GRM7: variants seen among roughly 807,000 people sequenced by gnomAD.
The protein encoded by GRM7 is metabotropic glutamate receptor 7.
In GRM7, 35 loss-of-function variants were observed where a neutral mutation model predicts 84.5. The observed-to-expected ratio is 0.41, with a 90% CI of 0.32 to 0.55. The LOEUF (loss-of-function observed/expected upper bound fraction) is 0.55. Ranked by LOEUF, GRM7 falls within the 20% of genes least tolerant of loss-of-function variation. The probability of loss-of-function intolerance (pLI) is 0.19; values close to 1 mark genes in which losing one functional copy is unlikely to be tolerated. For synonymous variants in GRM7, 487 were observed against 455.1 expected (o/e 1.07, Z -0.89); for missense variants, 1,003 against 1,194.6 (o/e 0.84, Z 2.36).
At chr3:6,881,228 A>G (rs559737708) in intron 1 of GRM7, among the ~76,000 whole-genome samples, 2 of 152,190 alleles carry the variant, frequency 1.3e-5, no homozygotes, top group African/African-American at 2.4e-5. Flanking sequence ...CTGCACTATC[A>G]ACCCATTACA....
At chr3:7,550,700 C>T (rs1693426712) in intron 7 of GRM7, among the ~76,000 whole-genome samples, 1 of 150,322 alleles carries the variant, frequency 6.7e-6, no homozygotes, top group South Asian at 2.1e-4. Context: ...CCTTTCTTTG[C>T]TGTGTATGCT....
At chr3:7,726,898 T>G (rs144760183) in intron 9 of GRM7, among the ~76,000 whole-genome samples, 2 of 151,836 alleles carry the variant, frequency 1.3e-5, no homozygotes, top group African/African-American at 4.8e-5. Flanking sequence ...TCAAGGATCA[T>G]GCATTTTTAA....
intron 4 of GRM7, among the ~76,000 whole-genome samples, chr3:7,370,042 C>T (rs948538651): frequency 5.9e-5 from 9 of 152,028 alleles, no homozygotes; most frequent in Non-Finnish European, 1.2e-4. Context: ...GCCACTTTGC[C>T]TCACCCAGGC....
intron 7 of GRM7, among the ~76,000 whole-genome samples, chr3:7,509,099 C>G (rs573925962): frequency 6.6e-6 from 1 of 152,180 alleles, no homozygotes; most frequent in East Asian, 1.9e-4. Context: ...ATTCCTTTGT[C>G]CAATGTGCCA....
chr3:7,516,164 CAAAAAAAAA>C (rs35256206), intron 7 of GRM7, among the ~76,000 whole-genome samples: 1 of 31,430 alleles, frequency 3.2e-5, no homozygotes, highest in East Asian at 9.6e-4. Context: ...CACCATATCT[CAAAAAAAAA>C]AAAAAAAAAA....
intron 7 of GRM7, among the ~76,000 whole-genome samples, chr3:7,487,349 G>T (rs1699359201): frequency 6.6e-6 from 1 of 152,178 alleles, no homozygotes; most frequent in African/African-American, 2.4e-5. Flanking sequence ...GAATGCTGAG[G>T]GTGGGTGTGG....
chr3:7,435,772 C>G (rs746123184), intron 5 of GRM7, among the ~76,000 whole-genome samples: 1 of 142,136 alleles, frequency 7.0e-6, no homozygotes, highest in Non-Finnish European at 1.5e-5. Context: ...ACTGCAAGAT[C>G]TGCCTGCCGG....
Position 6,898,825 on chromosome 3 carries a change from C to CAA in GRM7, c.519+36929_519+36930dup, listed in dbSNP as rs58274974. On this transcript the variant is annotated intron_variant, in intron 1 of 9. Coordinates refer to ENST00000357716, the MANE Select transcript of GRM7 (RefSeq NM_000844.4). The stretch of plus-strand genomic sequence containing the variant: ...AGTATGAGATTCTATCTCAAAAAAA[C>CAA]AAAAAAAAAAAATGAAGAAAGAAAA... Among the ~76,000 whole-genome samples the CAA allele has an allele frequency of 4.4e-3, 629 of 142,708 alleles. 2 individuals are homozygous for CAA. The highest frequency in any genetic ancestry group is 0.011 in the African/African-American group (420 of 39,614). 93.6% of individuals were successfully genotyped at this position (142,708 alleles called of 152,430 possible).
chr3:7,568,700 GGCCCT>G (rs1215555166), intron 7 of GRM7, among the ~76,000 whole-genome samples: 2 of 152,128 alleles, frequency 1.3e-5, no homozygotes, highest in Non-Finnish European at 2.9e-5. Context: ...GCAGCGGGCC[GGCCCT>G]GCCGGCCCTG....
At chr3:7,382,850 G>T (rs1694643380) in intron 4 of GRM7, among the ~76,000 whole-genome samples, 1 of 152,186 alleles carries the variant, frequency 6.6e-6, no homozygotes, top group Non-Finnish European at 1.5e-5. Context: ...AAACTACATT[G>T]CACAATCTCA....
In GRM7 at chr3:7,740,881, T is replaced by C. The variant is rs1702671224; in HGVS notation, c.*475T>C. On this transcript the variant is annotated 3_prime_UTR_variant, in exon 10 of 10. Transcript: ENST00000357716. ...CTTGTTTTCATAGAGCCCTATTCTC[T>C]CAGACGGTGGAATATTTGGAAAAAT... The C allele has an allele frequency of 6.5e-6, 1 of 153,462 alleles. No homozygotes were observed. Among genetic ancestry groups the C allele is most frequent in the African/African-American group, 2.4e-5 (1 of 41,484 alleles). The allele number at this position is 153,462 out of a possible 1,614,324, so 9.5% of individuals were successfully genotyped here.
chr3:7,330,422 A>G (rs1246596020), intron 4 of GRM7, among the ~76,000 whole-genome samples: 1 of 152,118 alleles, frequency 6.6e-6, no homozygotes, highest in Non-Finnish European at 1.5e-5. Flanking sequence ...TGTAACAGCC[A>G]TACAGGCTTA....
At chr3:7,209,409 T>C (rs62234890) in intron 2 of GRM7, among the ~76,000 whole-genome samples, 91 of 152,152 alleles carry the variant, frequency 6.0e-4, no homozygotes, top group Middle Eastern at 3.4e-3. Flanking sequence ...CCAAGTTGGA[T>C]AGATAAATGA....
intron 1 of GRM7, among the ~76,000 whole-genome samples, chr3:7,076,861 CA>C (rs1698099866): frequency 6.6e-6 from 1 of 152,054 alleles, no homozygotes; most frequent in African/African-American, 2.4e-5. Flanking sequence ...CCAGAATCTA[CA>C]AGGAACTTAA....
intron 1 of GRM7, among the ~76,000 whole-genome samples, chr3:6,898,102 C>A (rs1696251775): frequency 6.6e-6 from 1 of 152,128 alleles, no homozygotes. Context: ...CAAGTTAGGC[C>A]ATGCGAGACA....
At chr3:7,521,538 A>C (rs1481985296) in intron 7 of GRM7, among the ~76,000 whole-genome samples, 1 of 152,164 alleles carries the variant, frequency 6.6e-6, no homozygotes, top group Non-Finnish European at 1.5e-5. Flanking sequence ...CCAGACACTG[A>C]ATCTGCCAGC....
At chr3:7,125,790 G>A (rs1574936343) in intron 1 of GRM7, among the ~76,000 whole-genome samples, 1 of 152,180 alleles carries the variant, frequency 6.6e-6, no homozygotes, top group Non-Finnish European at 1.5e-5. Context: ...TGAGAGGGCT[G>A]TCTTTTTTGT....
At chr3:7,168,452 G>T (rs985381487) in intron 2 of GRM7, among the ~76,000 whole-genome samples, 1 of 152,090 alleles carries the variant, frequency 6.6e-6, no homozygotes, top group Admixed American at 6.5e-5. Flanking sequence ...ACAAGAAACA[G>T]GAGAGATCTC....
chr3:7,305,352 T>C (rs1454261062), intron 3 of GRM7, among the ~76,000 whole-genome samples: 1 of 44,980 alleles, frequency 2.2e-5, no homozygotes, highest in East Asian at 6.7e-4. Flanking sequence ...TCTTTTTTTT[T>C]TTTTTTAATT....
Sources: gnomAD v4.1 joint callset for allele counts (sites outside exome capture counted in the v4.1 genomes callset) on GRCh38, gnomAD v4.1.1 for gene constraint, MANE v1.5 for transcripts, NCBI Gene and HGNC (gene_info 2026-07-23, HGNC 2026-07-21) for gene names.